Variants in PLEKHA5 observed in about 807,000 individuals in gnomAD.
The protein encoded by PLEKHA5 is pleckstrin homology domain containing A5.
PLEKHA5 carries 55 observed loss-of-function variants against 181.9 expected under a neutral mutation model. The observed-to-expected ratio is 0.30, with a 90% CI of 0.24 to 0.38. The LOEUF is 0.38. PLEKHA5 is among the 10% of genes least tolerant of loss of function. The pLI is 1.00. For synonymous variants in PLEKHA5, 535 were observed against 529.4 expected (o/e 1.01, Z -0.15); for missense variants, 1,432 against 1,549.5 (o/e 0.92, Z 1.27).
chr12:19,351,476 GCTTTAACAT>G (rs1202375397), intron 25 of PLEKHA5, among the ~76,000 whole-genome samples: 1 of 151,986 alleles, frequency 6.6e-6, no homozygotes, highest in Non-Finnish European at 1.5e-5. Context: ...ATATTAATAC[GCTTTAACAT>G]CTTTGTTTTG....
At chr12:19,170,412 G>C (rs553725507) in intron 3 of PLEKHA5, among the ~76,000 whole-genome samples, 7 of 142,952 alleles carry the variant, frequency 4.9e-5, no homozygotes, top group Admixed American at 2.3e-4. Context: ...ACTTGTGAGC[G>C]TAACAATTCA....
At chr12:19,369,202 T>A (rs372145636) in intron 30 of PLEKHA5, among the ~76,000 whole-genome samples, 1 of 151,832 alleles carries the variant, frequency 6.6e-6, no homozygotes, top group Admixed American at 6.6e-5. Context: ...GTCTGACTAA[T>A]TTTTGTATTT....
intron 26 of PLEKHA5, among the ~76,000 whole-genome samples, chr12:19,356,673 T>TC (rs1235210699): frequency 1.4e-5 from 2 of 142,760 alleles, no homozygotes; most frequent in Non-Finnish European, 3.1e-5. Flanking sequence ...TTTTTTTTTT[T>TC]TTTTTTTTTT....
chr12:19,326,815 G>A (rs995476137), intron 20 of PLEKHA5, among the ~76,000 whole-genome samples: 5 of 152,114 alleles, frequency 3.3e-5, no homozygotes, highest in Admixed American at 1.3e-4. Context: ...GAGAACATAC[G>A]GTATTTGGTT....
At chr12:19,211,865 AGCAGGAGGTACT>A (rs150042263) in intron 3 of PLEKHA5, among the ~76,000 whole-genome samples, 99 of 152,336 alleles carry the variant, frequency 6.5e-4, no homozygotes, top group African/African-American at 2.2e-3. Flanking sequence ...TAAAGTTTAA[AGCAGGAGGTACT>A]GCCTTATCAT....
intron 3 of PLEKHA5, among the ~76,000 whole-genome samples, chr12:19,249,093 G>A (rs140223254): frequency 3.9e-5 from 6 of 152,262 alleles, no homozygotes; most frequent in African/African-American, 1.2e-4. Context: ...AGCAGTTTGG[G>A]AAACCAAAGT....
chr12:19,336,377 C>CA, intron 20 of PLEKHA5, 138 bp from the exon 21 acceptor site: 1 of 521,818 alleles, frequency 1.9e-6, no homozygotes, highest in Non-Finnish European at 3.3e-6. Context: ...TAAAAAGGGA[C>CA]AAAAATGGTT....
At chr12:19,323,492 A>C (rs1275623220) in intron 20 of PLEKHA5, among the ~76,000 whole-genome samples, 1 of 150,778 alleles carries the variant, frequency 6.6e-6, no homozygotes, top group Non-Finnish European at 1.5e-5. Context: ...AACAAGACTG[A>C]AACTCTGTCT....
intron 6 of PLEKHA5, among the ~76,000 whole-genome samples, chr12:19,258,180 G>A (rs930688355): frequency 6.6e-6 from 1 of 151,922 alleles, no homozygotes. Flanking sequence ...TATTAGTTTT[G>A]CAATTAGTAA....
intron 3 of PLEKHA5, among the ~76,000 whole-genome samples, chr12:19,252,733 C>G (rs983423437): frequency 3.9e-5 from 6 of 151,990 alleles, no homozygotes; most frequent in African/African-American, 1.4e-4. Flanking sequence ...TTTTTTTCTA[C>G]AACATACCTT....
intron 3 of PLEKHA5, among the ~76,000 whole-genome samples, chr12:19,190,577 T>C (rs2050873468): frequency 6.6e-6 from 1 of 152,200 alleles, no homozygotes; most frequent in African/African-American, 2.4e-5. Flanking sequence ...CATTCTAGAC[T>C]TAAAAATTAA....
chr12:19,353,617 G>A lies in PLEKHA5; in HGVS notation c.3020-267G>A, dbSNP rs190888143. Among the ~76,000 whole-genome samples the A allele has an allele frequency of 2.4e-4, 37 of 152,158 alleles. 1 individual carries two copies. In the East Asian group the frequency reaches 6.2e-3, roughly 25 times the overall value. ...TGGGATTACAGGCATGCGCCACCAC[G>A]CCCATCTAATTTTGTATTTTTAGTG... On this transcript the variant is annotated intron_variant, in intron 25 of 31. Coordinates refer to ENST00000429027, the MANE Select transcript of PLEKHA5 (RefSeq NM_001256470.2).
intron 7 of PLEKHA5, among the ~76,000 whole-genome samples, chr12:19,261,858 TTGTGTATTG>T (rs1408728688): frequency 6.6e-6 from 1 of 152,218 alleles, no homozygotes; most frequent in African/African-American, 2.4e-5. Context: ...AAATTTATAG[TTGTGTATTG>T]AAGCATTGTA....
rs575182420 is a variant in PLEKHA5, at chr12:19,130,336, C to T, written c.169+206C>T. ...TCCAGTCTCGGGGCGCCTCTTTCTC[C>T]TCAGCCTTTCATCAGCACTTGGAGA... is the stretch of plus-strand genomic sequence containing the variant. On this transcript the variant is annotated intron_variant, in intron 2 of 31. Coordinates refer to ENST00000429027, the MANE Select transcript of PLEKHA5 (RefSeq NM_001256470.2). This position sits in a 1 kb window ranked among gnomAD's most constrained non-coding sequence, Gnocchi z 4.5. Among the ~76,000 whole-genome samples, 639 of 152,034 alleles carry T rather than the reference C, an allele frequency of 4.2e-3. 3 individuals carry two copies. The highest frequency in any genetic ancestry group is 0.012 in the African/African-American group (500 of 41,506).
chr12:19,236,302 G>A (rs889435023), intron 3 of PLEKHA5, among the ~76,000 whole-genome samples: 6 of 152,124 alleles, frequency 3.9e-5, no homozygotes, highest in African/African-American at 1.4e-4. Flanking sequence ...TCACTTATTA[G>A]CATTGTGACT....
chr12:19,257,053 T>C (rs1249682907), intron 5 of PLEKHA5, among the ~76,000 whole-genome samples: 6 of 152,180 alleles, frequency 3.9e-5, no homozygotes, highest in African/African-American at 1.4e-4. Context: ...TAAATGCAGA[T>C]ATAAAGGGAA....
At chr12:19,174,444 GT>G (rs1370718630) in intron 3 of PLEKHA5, among the ~76,000 whole-genome samples, 2 of 152,052 alleles carry the variant, frequency 1.3e-5, no homozygotes, top group African/African-American at 4.8e-5. Flanking sequence ...TATGATTTGA[GT>G]TTTATTTTTA....
chr12:19,262,035 A>T (rs1407483187), intron 7 of PLEKHA5, among the ~76,000 whole-genome samples: 2 of 152,166 alleles, frequency 1.3e-5, no homozygotes, highest in Non-Finnish European at 2.9e-5. Context: ...GTCTTTAGTT[A>T]AATGCTAAGC....
At chr12:19,173,943 T>TG (rs1370117756) in intron 3 of PLEKHA5, among the ~76,000 whole-genome samples, 4 of 152,334 alleles carry the variant, frequency 2.6e-5, no homozygotes, top group Admixed American at 6.5e-5. Context: ...AAGCTACTGT[T>TG]GCTATAGAAA....
Sources: gnomAD v4.1 joint callset for allele counts (sites outside exome capture counted in the v4.1 genomes callset) on GRCh38, gnomAD v4.1.1 for gene constraint, Gnocchi (gnomAD v3.1) non-coding constraint, MANE v1.5 for transcripts, NCBI Gene and HGNC (gene_info 2026-07-23, HGNC 2026-07-21) for gene names.